The following USP43 variants were observed in gnomAD, a reference collection of about 807,000 sequenced individuals.
The protein encoded by USP43 is ubiquitin specific peptidase 43.
In USP43, 33 loss-of-function variants were observed where a neutral mutation model predicts 90.7. That is an observed-to-expected ratio of 0.36 (90% CI 0.28 to 0.49). USP43 has a LOEUF of 0.49. Among genes scored for constraint, USP43 ranks in the 20% least tolerant of loss-of-function variants. USP43 has a pLI of 0.98. For synonymous variants in USP43, 598 were observed against 615.8 expected, an observed-to-expected ratio of 0.97 and a Z score of 0.43; for missense variants, 1,274 against 1,476.4, an observed-to-expected ratio of 0.86 and a Z score of 2.25.
chr17:9,674,765 C>A lies in USP43; in HGVS notation c.741-126C>A. ...AGTATTTGAACACCTGTTCTCAATT[C>A]TTCTGGGTATGTACCTACGAGTGGA... On this transcript the variant is annotated intron_variant, in intron 3 of 14. Coordinates refer to ENST00000285199, the MANE Select transcript of USP43 (RefSeq NM_153210.5). The surrounding 1 kb of genome is among the most constrained non-coding windows in gnomAD (Gnocchi z 4.4). 1 of 778,018 alleles carries A rather than the reference C, an allele frequency of 1.3e-6. No individual in the cohort carries two copies. Among genetic ancestry groups the A allele is most frequent in the Non-Finnish European group, 2.2e-6 (1 of 447,664 alleles). 48.2% of individuals were successfully genotyped at this position (778,018 alleles called of 1,614,324 possible). A position where few individuals can be genotyped will look rare whatever the true frequency, so the allele number is the denominator to read the frequency against.
At chr17:9,657,564 A>AT (rs1912351127) in intron 2 of USP43, among the ~76,000 whole-genome samples, 1 of 152,040 alleles carries the variant, frequency 6.6e-6, no homozygotes. Context: ...AGGGAAAGAG[A>AT]TTTAATTGAC....
chr17:9,723,529 TCCCCTCCCC>T (rs1917076960), intron 14 of USP43, among the ~76,000 whole-genome samples: 1 of 23,494 alleles, frequency 4.3e-5, no homozygotes, highest in African/African-American at 2.3e-4. Flanking sequence ...TCCCTTCCCC[TCCCCTCCCC>T]TCCCCTCCCC....
At chr17:9,696,634 A>C (rs1890256054) in intron 9 of USP43, among the ~76,000 whole-genome samples, 1 of 152,236 alleles carries the variant, frequency 6.6e-6, no homozygotes, top group African/African-American at 2.4e-5. Flanking sequence ...CTTTGTGTTT[A>C]AATGGTGACA....
chr17:9,699,026 C>T (rs542932880), intron 9 of USP43, among the ~76,000 whole-genome samples: 1 of 152,288 alleles, frequency 6.6e-6, no homozygotes, highest in East Asian at 1.9e-4. Flanking sequence ...TCTGTCTCCT[C>T]AGAATGGAAT....
rs535350028 is a variant in USP43, at chr17:9,670,593, T to G, written c.740+3842T>G. 2.6e-5 allele frequency among the ~76,000 whole-genome samples: 4 copies of G among 152,034 alleles called. No homozygotes were observed. The South Asian group carries it at 6.2e-4, about 24-fold the overall frequency. On this transcript the variant is annotated intron_variant, in intron 3 of 14. Coordinates refer to ENST00000285199, the MANE Select transcript of USP43 (RefSeq NM_153210.5). ...AGGGGTAGAGGAACTAAGGGAGAGGTGAGACTCTAGGGTGACTCTTGGGTT... is the reference window on the plus strand; with the variant it reads ...AGGGGTAGAGGAACTAAGGGAGAGGGGAGACTCTAGGGTGACTCTTGGGTT...
At chr17:9,703,752 A>G (rs1915711688) in intron 12 of USP43, among the ~76,000 whole-genome samples, 1 of 152,190 alleles carries the variant, frequency 6.6e-6, no homozygotes, top group Admixed American at 6.5e-5. Flanking sequence ...TTGCACTGCC[A>G]GTTAAATGGC....
Position 9,709,836 on chromosome 17 carries a change from A to C in USP43, c.2012-120A>C, listed in dbSNP as rs1173623819. 23 of 1,127,932 alleles carry C rather than the reference A, an allele frequency of 2.0e-5. No homozygotes were observed. Among genetic ancestry groups the C allele is most frequent in the Non-Finnish European group, 2.5e-5 (22 of 876,892 alleles). The allele number at this position is 1,127,932 out of a possible 1,614,324, so 69.9% of individuals were successfully genotyped here. A position where few individuals can be genotyped will look rare whatever the true frequency, so the allele number is the denominator to read the frequency against. On this transcript the variant is annotated intron_variant, in intron 12 of 14. Transcript: ENST00000285199. This position sits in a 1 kb window ranked among gnomAD's most constrained non-coding sequence, Gnocchi z 5.0. ...AAAAAAAATTCATTTCTGGCCAAAA[A>C]TGGACTGTTTTTTTCTCATTCTGGT...
chr17:9,645,776 C>G lies in USP43; in HGVS notation c.144C>G (p.Pro48=). 7.2e-7 allele frequency: 1 copy of G among 1,391,920 alleles called. No individual in the cohort carries two copies. The highest frequency in any genetic ancestry group is 3.6e-5 in the Admixed American group (1 of 27,694). 86.2% of individuals were successfully genotyped at this position (1,391,920 alleles called of 1,614,324 possible). The change falls in exon 1 of 15, where the codon CCC becomes CCG. Residue 48 remains proline (P), a synonymous_variant. Coordinates refer to ENST00000285199, the MANE Select transcript of USP43 (RefSeq NM_153210.5). This position sits in a 1 kb window ranked among gnomAD's most constrained non-coding sequence, Gnocchi z 6.8. ...RSRPGDSPPR[P]QPGHCDGDGE... The stretch of plus-strand genomic sequence containing the variant: ...GCCCCGGGGACTCACCGCCCCGGCC[C>G]CAGCCGGGACACTGTGATGGCGACG...
intron 1 of USP43, among the ~76,000 whole-genome samples, chr17:9,655,217 G>T (rs2151963115): frequency 6.6e-6 from 1 of 152,278 alleles, no homozygotes. Context: ...ACCTGTGTGG[G>T]ACGAGACTGG....
At chr17:9,715,639 T>TTG (rs1228844163) in intron 14 of USP43, among the ~76,000 whole-genome samples, 1 of 148,884 alleles carries the variant, frequency 6.7e-6, no homozygotes, top group African/African-American at 2.5e-5. Flanking sequence ...TGTGTGTTTC[T>TTG]TGTGTGTGTG....
intron 8 of USP43, among the ~76,000 whole-genome samples, chr17:9,690,854 C>T (rs1481999546): frequency 1.3e-5 from 2 of 152,128 alleles, no homozygotes; most frequent in Non-Finnish European, 2.9e-5. Context: ...CACTGCATTC[C>T]AGCCTGGGTG....
rs1032466385 is a variant in USP43, at chr17:9,655,557, A to T, written c.505-846A>T. On this transcript the variant is annotated intron_variant, in intron 1 of 14. Transcript: ENST00000285199. ...TGTACATTTATGCAGAAAATGACAAAGGTGCTACACAATTTAACAGAAGGA... is the reference window on the plus strand; with the variant it reads ...TGTACATTTATGCAGAAAATGACAATGGTGCTACACAATTTAACAGAAGGA... Among the ~76,000 whole-genome samples, 7 of 152,374 alleles carry T rather than the reference A, an allele frequency of 4.6e-5. No individual in the cohort carries two copies. In the South Asian group the frequency reaches 1.4e-3, roughly 32 times the overall value.
chr17:9,648,930 T>A, intron 1 of USP43, among the ~76,000 whole-genome samples: 1 of 144,660 alleles, frequency 6.9e-6, no homozygotes, highest in African/African-American at 2.8e-5. Flanking sequence ...ACTCTTTCTG[T>A]CTCTCTCCCT....
rs945008768 is a variant in USP43, at chr17:9,694,899, C to T, written c.1457+1669C>T. Among the ~76,000 whole-genome samples the T allele has an allele frequency of 9.2e-5, 14 of 152,314 alleles. 1 individual carries two copies. The East Asian group carries it at 2.5e-3, about 27-fold the overall frequency. On this transcript the variant is annotated intron_variant, in intron 9 of 14. Coordinates refer to ENST00000285199, the MANE Select transcript of USP43 (RefSeq NM_153210.5). ...TCTGCCTCCCAAAGTGGTGGGATTA[C>T]AGGTGTGAGCCACCGCACCCGGCCT...
At position 9,728,492 on chromosome 17, in the gene USP43, C is replaced by T. The variant is rs1917399268; in HGVS notation, c.2874C>T (p.Ser958=). Residue 958 remains serine (S), a synonymous_variant, in exon 15 of 15, where the codon AGC becomes AGT. Transcript: ENST00000285199. This position sits in a 1 kb window ranked among gnomAD's most constrained non-coding sequence, Gnocchi z 6.2. ...EGQKAMNWKE[S]FQMGSKSSPP... ...AGAAGGCCATGAACTGGAAGGAGAG[C>T]TTCCAGATGGGAAGCAAAAGCAGCC... 2 of 1,613,784 alleles carry T rather than the reference C, an allele frequency of 1.2e-6. No homozygotes were observed. Among genetic ancestry groups the T allele is most frequent in the East Asian group, 2.2e-5 (1 of 44,872 alleles).
chr17:9,714,682 CAAAAAAAA>C (rs34258688), intron 14 of USP43, among the ~76,000 whole-genome samples: 1 of 69,986 alleles, frequency 1.4e-5, no homozygotes, highest in African/African-American at 5.5e-5. Flanking sequence ...GACTCCATCT[CAAAAAAAA>C]AAAAAAAAAA....
chr17:9,706,118 T>C (rs1003157025), intron 12 of USP43, among the ~76,000 whole-genome samples: 1 of 152,238 alleles, frequency 6.6e-6, no homozygotes, highest in African/African-American at 2.4e-5. Flanking sequence ...TCTTTTCGCA[T>C]GTTTGAGCCA....
At chr17:9,704,014 A>G (rs1915729346) in intron 12 of USP43, among the ~76,000 whole-genome samples, 1 of 152,174 alleles carries the variant, frequency 6.6e-6, no homozygotes. Flanking sequence ...GCCTGGTGGG[A>G]CATAAAGTCC....
chr17:9,654,163 C>T (rs1912069431), intron 1 of USP43, among the ~76,000 whole-genome samples: 1 of 152,116 alleles, frequency 6.6e-6, no homozygotes, highest in Non-Finnish European at 1.5e-5. Context: ...TTACCATGCC[C>T]AGCTGACTTT....
Sources: allele counts gnomAD v4.1 joint callset (sites outside exome capture counted in the v4.1 genomes callset), GRCh38; gene constraint gnomAD v4.1.1; non-coding constraint Gnocchi (gnomAD v3.1); transcripts MANE v1.5; gene names NCBI Gene and HGNC (gene_info 2026-07-23, HGNC 2026-07-21).